CSMD3: variants seen among roughly 807,000 people sequenced by gnomAD.
The protein encoded by CSMD3 is CUB and sushi domain-containing protein 3.
A neutral mutation model predicts 435.2 loss-of-function variants in CSMD3; 177 were observed. The observed-to-expected ratio is 0.41, with a 90% CI of 0.36 to 0.46. CSMD3 has a LOEUF of 0.46. CSMD3 is among the 20% of genes least tolerant of loss of function. The pLI is 0.34. For missense variants in CSMD3, 4,265 were observed against 4,504.6 expected, an observed-to-expected ratio of 0.95 and a Z score of 1.52; for synonymous variants, 1,656 against 1,520.5, an observed-to-expected ratio of 1.09 and a Z score of -2.07.
chr8:112,930,186 G>C (rs973120608), intron 9 of CSMD3, among the ~76,000 whole-genome samples: 10 of 152,038 alleles, frequency 6.6e-5, no homozygotes, highest in Non-Finnish European at 8.8e-5. Context: ...TAAGCCATAA[G>C]GCAAGGTTAA....
At chr8:112,861,521 A>T (rs1220832105) in intron 10 of CSMD3, among the ~76,000 whole-genome samples, 2 of 151,862 alleles carry the variant, frequency 1.3e-5, no homozygotes, top group Non-Finnish European at 3.0e-5. Context: ...CTAGGTCTAG[A>T]ATATTATTCC....
At chr8:113,301,809 C>T (rs1449206963) in intron 2 of CSMD3, among the ~76,000 whole-genome samples, 1 of 151,906 alleles carries the variant, frequency 6.6e-6, no homozygotes, top group South Asian at 2.1e-4. Context: ...CAAACTTGAA[C>T]ATCTATGAAG....
intron 13 of CSMD3, among the ~76,000 whole-genome samples, chr8:112,714,997 A>ATG (rs1355375442): frequency 6.6e-6 from 1 of 152,108 alleles, no homozygotes; most frequent in Non-Finnish European, 1.5e-5. Flanking sequence ...CAACACCCTA[A>ATG]TATCACAATT....
intron 35 of CSMD3, among the ~76,000 whole-genome samples, chr8:112,392,338 T>G (rs370611586): frequency 7.6e-6 from 1 of 132,440 alleles, no homozygotes; most frequent in Non-Finnish European, 1.6e-5. Context: ...AAAAAAAAGA[T>G]GTTGCAAACT....
At chr8:113,053,337 T>C (rs992777212) in intron 5 of CSMD3, among the ~76,000 whole-genome samples, 5 of 152,186 alleles carry the variant, frequency 3.3e-5, no homozygotes, top group African/African-American at 1.2e-4. Context: ...TAAAATTATA[T>C]AATTTAAGTA....
intron 1 of CSMD3, among the ~76,000 whole-genome samples, chr8:113,403,926 T>G (rs188211567): frequency 1.3e-5 from 2 of 151,522 alleles, no homozygotes; most frequent in Admixed American, 1.3e-4. Flanking sequence ...AGTTTTAGTT[T>G]CACTCAAGAA....
intron 22 of CSMD3, among the ~76,000 whole-genome samples, chr8:112,631,279 T>C (rs967129026): frequency 7.2e-5 from 11 of 152,138 alleles, no homozygotes; most frequent in Admixed American, 5.2e-4. Context: ...AATTCATTTA[T>C]GTATTTTCTA....
chr8:113,236,142 A>G (rs140493218), intron 3 of CSMD3, among the ~76,000 whole-genome samples: 252 of 152,320 alleles, frequency 1.7e-3, no homozygotes, highest in African/African-American at 5.9e-3. Flanking sequence ...GAGATTTTAT[A>G]TGCTAATGAT....
At chr8:112,263,325 A>G (rs910301167) in intron 61 of CSMD3, among the ~76,000 whole-genome samples, 1 of 152,176 alleles carries the variant, frequency 6.6e-6, no homozygotes, top group African/African-American at 2.4e-5. Flanking sequence ...CAAATTTCAG[A>G]GTATTCGGCT....
At chr8:112,578,136 CA>C (rs1391378534) in intron 23 of CSMD3, among the ~76,000 whole-genome samples, 5 of 151,818 alleles carry the variant, frequency 3.3e-5, no homozygotes, top group Non-Finnish European at 7.4e-5. Context: ...AATGGTCAAT[CA>C]AAAAAGTCTC....
intron 4 of CSMD3, among the ~76,000 whole-genome samples, chr8:113,107,754 G>C (rs2090523976): frequency 6.6e-6 from 1 of 152,154 alleles, no homozygotes; most frequent in Non-Finnish European, 1.5e-5. Flanking sequence ...AGCTTCAATG[G>C]CTATATGTTT....
chr8:112,918,747 C>T (rs2082645048), intron 10 of CSMD3, among the ~76,000 whole-genome samples: 2 of 151,906 alleles, frequency 1.3e-5, no homozygotes, highest in Non-Finnish European at 2.9e-5. Flanking sequence ...TTATAAACTG[C>T]TCTTTTAATT....
At chr8:113,162,843 A>G (rs2092071856) in intron 4 of CSMD3, among the ~76,000 whole-genome samples, 1 of 152,158 alleles carries the variant, frequency 6.6e-6, no homozygotes, top group Non-Finnish European at 1.5e-5. Flanking sequence ...GAGGCAATAC[A>G]GTATAAACAT....
intron 2 of CSMD3, chr8:113,310,167 G>A (rs1053137102): frequency 5.3e-5 from 8 of 151,900 alleles, no homozygotes; most frequent in African/African-American, 1.5e-4. Context: ...ATACTACTAC[G>A]TTGGTTATTT....
intron 30 of CSMD3, among the ~76,000 whole-genome samples, chr8:112,503,265 T>C (rs1035835629): frequency 1.3e-5 from 2 of 152,120 alleles, no homozygotes; most frequent in African/African-American, 2.4e-5. Flanking sequence ...CAAAACAATG[T>C]AGAAATCTGC....
chr8:113,105,701 T>C (rs542998352), intron 4 of CSMD3, among the ~76,000 whole-genome samples: 2 of 152,152 alleles, frequency 1.3e-5, no homozygotes, highest in Admixed American at 6.5e-5. Context: ...GGGTAAACTA[T>C]GCCTAGAGTT....
intron 6 of CSMD3, among the ~76,000 whole-genome samples, chr8:113,012,677 G>T (rs2086300594): frequency 6.6e-6 from 1 of 151,810 alleles, no homozygotes; most frequent in Non-Finnish European, 1.5e-5. Flanking sequence ...GTTTCCTGAG[G>T]CCTCCCCATC....
At chr8:112,810,572 C>CT (rs1056398216) in intron 12 of CSMD3, among the ~76,000 whole-genome samples, 1 of 151,962 alleles carries the variant, frequency 6.6e-6, no homozygotes, top group Non-Finnish European at 1.5e-5. Context: ...AACCTATAGG[C>CT]TTTTTCCACA....
At chr8:112,894,692 G>A (rs545509962) in intron 10 of CSMD3, among the ~76,000 whole-genome samples, 11 of 151,084 alleles carry the variant, frequency 7.3e-5, no homozygotes, top group East Asian at 2.0e-4. Flanking sequence ...AAATTAAGAC[G>A]GATTTAGATG....
Sources: allele counts gnomAD v4.1 joint callset (sites outside exome capture counted in the v4.1 genomes callset), GRCh38; gene constraint gnomAD v4.1.1; transcripts MANE v1.5; gene names NCBI Gene and HGNC (gene_info 2026-07-23, HGNC 2026-07-21).